SLC9A1: variants seen among roughly 807,000 people sequenced by gnomAD.
SLC9A1 encodes the protein solute carrier family 9 member A1.
A neutral mutation model predicts 67.9 loss-of-function variants in SLC9A1; 22 were observed. That is an observed-to-expected ratio of 0.32 (90% confidence interval 0.23 to 0.46). The LOEUF (loss-of-function observed/expected upper bound fraction) is 0.46, where lower values mean the gene tolerates loss of function less well. SLC9A1 is among the 20% of genes least tolerant of loss of function. The pLI, the probability that SLC9A1 is intolerant of heterozygous loss-of-function variation, is 1.00. For missense variants in SLC9A1, 686 were observed against 1,094.8 expected, an observed-to-expected ratio of 0.63 and a Z score of 5.27; for synonymous variants, 421 against 471.8, an observed-to-expected ratio of 0.89 and a Z score of 1.40.
intron 1 of SLC9A1, among the ~76,000 whole-genome samples, chr1:27,129,378 G>A (rs750167136): frequency 2.0e-5 from 3 of 152,182 alleles, no homozygotes; most frequent in African/African-American, 2.4e-5. Flanking sequence ...AGGCCTCTAG[G>A]AGCCACGAGA....
intron 1 of SLC9A1, among the ~76,000 whole-genome samples, chr1:27,148,174 C>A (rs966686245): frequency 2.0e-5 from 3 of 152,148 alleles, no homozygotes; most frequent in African/African-American, 4.8e-5. Flanking sequence ...AGAGGGCATG[C>A]AACATTCTGG....
chr1:27,139,452 G>A (rs991393654), intron 1 of SLC9A1, among the ~76,000 whole-genome samples: 10 of 152,144 alleles, frequency 6.6e-5, no homozygotes, highest in African/African-American at 2.2e-4. Flanking sequence ...CGCACCCTTC[G>A]GGGCCGTCAC....
At chr1:27,112,056 T>C (rs756397399) in intron 2 of SLC9A1, among the ~76,000 whole-genome samples, 1 of 152,166 alleles carries the variant, frequency 6.6e-6, no homozygotes, top group Non-Finnish European at 1.5e-5. Context: ...TCACAGACAT[T>C]AGTGAGTATG....
At chr1:27,125,227 CCTTT>C (rs1476539429) in intron 1 of SLC9A1, among the ~76,000 whole-genome samples, 37 of 142,382 alleles carry the variant, frequency 2.6e-4, no homozygotes, top group African/African-American at 8.9e-4. Flanking sequence ...TTCCTTCCTT[CCTTT>C]TCTTTCTTTT....
At chr1:27,140,391 T>C (rs1487000083) in intron 1 of SLC9A1, among the ~76,000 whole-genome samples, 1 of 152,130 alleles carries the variant, frequency 6.6e-6, no homozygotes, top group Non-Finnish European at 1.5e-5. Flanking sequence ...AATGGTCTCA[T>C]TTGCACCCCT....
intron 1 of SLC9A1, among the ~76,000 whole-genome samples, chr1:27,123,379 T>C (rs2083318182): frequency 6.6e-6 from 1 of 152,204 alleles, no homozygotes; most frequent in South Asian, 2.1e-4. Flanking sequence ...GAATGGTAAA[T>C]CACACATGCT....
In SLC9A1 at chr1:27,102,503, A is replaced by C. The variant is rs763879818; in HGVS notation, c.1702T>G (p.Ser568Ala). 7 of 1,609,896 alleles carry C rather than the reference A, an allele frequency of 4.3e-6. No individual in the cohort carries two copies. The highest frequency in any genetic ancestry group is 5.9e-6 in the Non-Finnish European group (7 of 1,176,800). ...VKKCLIAGERSKEPQLIAFYH... is the reference protein window; with the variant it reads ...VKKCLIAGERAKEPQLIAFYH... Reference sequence around the variant, plus strand: ...AAGGCAATGAGCTGGGGCTCCTTGGAGCGCTCGCCAGCTATCAGACACTTC... The same window carrying C: ...AAGGCAATGAGCTGGGGCTCCTTGGCGCGCTCGCCAGCTATCAGACACTTC... The change falls in exon 8 of 12, where the codon TCC (serine) becomes GCC (alanine). Residue 568 changes from serine (S) to alanine (A), a missense_variant. Ser to Ala is a moderately conservative substitution (Grantham distance 99). Around this residue, in one of 7 missense-constraint regions of SLC9A1, gnomAD observed 168 missense variants for 375.4 expected, o/e 0.45. Transcript: ENST00000263980.
At chr1:27,151,250 T>C (rs1285211037) in intron 1 of SLC9A1, among the ~76,000 whole-genome samples, 2 of 152,242 alleles carry the variant, frequency 1.3e-5, no homozygotes, top group African/African-American at 2.4e-5. Flanking sequence ...CAGGGGCAGC[T>C]GTCACTCATT....
intron 2 of SLC9A1, among the ~76,000 whole-genome samples, chr1:27,111,290 C>T (rs1024358287): frequency 1.3e-5 from 2 of 152,168 alleles, no homozygotes; most frequent in Admixed American, 6.5e-5. Context: ...GGGGAAAGTC[C>T]TCCTTTCTGG....
At chr1:27,107,366 C>A (rs1031175160) in intron 4 of SLC9A1, among the ~76,000 whole-genome samples, 2 of 148,218 alleles carry the variant, frequency 1.3e-5, no homozygotes, top group Non-Finnish European at 3.0e-5. Flanking sequence ...ACATACTACA[C>A]ACACACACCC....
At chr1:27,107,567 A>G in intron 4 of SLC9A1, 81 bp downstream of exon 4, 1 of 1,058,242 alleles carries the variant, frequency 9.4e-7, no homozygotes, top group Non-Finnish European at 1.4e-6. Flanking sequence ...TGCACACACC[A>G]CACACACAGC....
chr1:27,113,535 C>T (rs2083244901), intron 2 of SLC9A1, among the ~76,000 whole-genome samples: 1 of 152,180 alleles, frequency 6.6e-6, no homozygotes, highest in Non-Finnish European at 1.5e-5. Context: ...TGGAGTCAGT[C>T]AGACCTGGTT....
chr1:27,102,666 C>T lies in SLC9A1; in HGVS notation c.1646+7G>A. 6.2e-7 allele frequency: 1 copy of T among 1,613,718 alleles called. No individual in the cohort carries two copies. The highest frequency in any genetic ancestry group is 8.5e-7 in the Non-Finnish European group (1 of 1,179,892). On this transcript the variant is annotated splice_region_variant and intron_variant, in intron 7 of 11. Transcript: ENST00000263980. ...CTCCCTGCCTGCCCACCAGGCCTGC[C>T]ACCTACTTGTCCTTCCAGTGGTGGT... is the stretch of plus-strand genomic sequence containing the variant.
chr1:27,103,363 A>G, intron 5 of SLC9A1, 51 bp from the exon 6 acceptor site: 2 of 1,317,228 alleles, frequency 1.5e-6, no homozygotes, highest in Non-Finnish European at 2.2e-6. Context: ...CCAGGCAGGG[A>G]GGCCACAGAG....
At chr1:27,153,956 C>T (rs1425216660) in intron 1 of SLC9A1, 27 bp downstream of exon 1, 3 of 1,467,294 alleles carry the variant, frequency 2.0e-6, no homozygotes, top group African/African-American at 2.8e-5. Flanking sequence ...TGGTGGCGGC[C>T]GCAGCATCGG....
At chr1:27,144,375 C>T (rs114135406) in intron 1 of SLC9A1, among the ~76,000 whole-genome samples, 1,588 of 152,248 alleles carry the variant, frequency 0.01, 16 homozygotes, top group Admixed American at 0.017. Flanking sequence ...CCAGAGAGAC[C>T]CCACCCGGCC....
At chr1:27,131,871 A>T (rs1452672886) in intron 1 of SLC9A1, among the ~76,000 whole-genome samples, 2 of 148,820 alleles carry the variant, frequency 1.3e-5, no homozygotes, top group African/African-American at 2.5e-5. Context: ...CAGTGAGCAT[A>T]GACGGCACCA....
At chr1:27,145,976 T>C (rs1265432512) in intron 1 of SLC9A1, among the ~76,000 whole-genome samples, 3 of 152,174 alleles carry the variant, frequency 2.0e-5, no homozygotes, top group Admixed American at 2.0e-4. Context: ...TACCAACATA[T>C]AATCACGGGC....
Position 27,109,233 on chromosome 1 carries a change from G to A in SLC9A1, c.1064+294C>T, listed in dbSNP as rs1478446164. On this transcript the variant is annotated intron_variant, in intron 3 of 11. Coordinates refer to ENST00000263980, the MANE Select transcript of SLC9A1 (RefSeq NM_003047.5). This position sits in a 1 kb window ranked among gnomAD's most constrained non-coding sequence, Gnocchi z 5.5. The stretch of plus-strand genomic sequence containing the variant: ...CCAAGGCTCTGCTCTCCTATACCCT[G>A]GGCTTGCCTTCATGCAGGTCATTCT... 6.6e-6 allele frequency among the ~76,000 whole-genome samples: 1 copy of A among 152,144 alleles called. No individual in the cohort carries two copies. Among genetic ancestry groups the A allele is most frequent in the Non-Finnish European group, 1.5e-5 (1 of 68,020 alleles).
Sources: gnomAD v4.1 joint callset for allele counts (sites outside exome capture counted in the v4.1 genomes callset) on GRCh38, gnomAD v4.1.1 for gene constraint, gnomAD v4.1.1 regional missense constraint, Gnocchi (gnomAD v3.1) non-coding constraint, MANE v1.5 for transcripts, NCBI Gene and HGNC (gene_info 2026-07-23, HGNC 2026-07-21) for gene names.